The following TAF4B variants were observed in gnomAD, a reference collection of about 807,000 sequenced individuals.
TAF4B encodes transcription initiation factor TFIID subunit 4B.
TAF4B carries 38 observed loss-of-function variants against 86.4 expected under a neutral mutation model. The ratio of observed to expected loss-of-function variants is 0.44; its 90% CI spans 0.34 to 0.58. The LOEUF (loss-of-function observed/expected upper bound fraction) is 0.58, where lower values mean the gene tolerates loss of function less well. TAF4B is among the 20% of genes least tolerant of loss of function. The pLI is 0.02. For synonymous variants in TAF4B, 388 were observed against 391.2 expected (o/e 0.99, Z 0.10); for missense variants, 988 against 1,027.6 (o/e 0.96, Z 0.53).
At chr18:26,247,875 C>CA (rs1008692538) in intron 1 of TAF4B, among the ~76,000 whole-genome samples, 6 of 150,832 alleles carry the variant, frequency 4.0e-5, no homozygotes, top group Middle Eastern at 3.4e-3. Context: ...GACTCTGTCT[C>CA]AAAAAAAAGT....
At chr18:26,385,694 TCTTCTTCTTCTTC>T (rs1377761576) in intron 14 of TAF4B, among the ~76,000 whole-genome samples, 3 of 134,730 alleles carry the variant, frequency 2.2e-5, no homozygotes, top group South Asian at 4.6e-4. Context: ...TTTTTTTTTT[TCTTCTTCTTCTTC>T]TTCTTCTTGC....
chr18:26,320,993 C>T, intron 10 of TAF4B, 77 bp from the exon 11 acceptor site: 1 of 1,564,210 alleles, frequency 6.4e-7, no homozygotes, highest in East Asian at 2.3e-5. Context: ...CCAGGGGGAA[C>T]AGAATACCTG....
intron 9 of TAF4B, among the ~76,000 whole-genome samples, chr18:26,311,412 AT>A (rs1209907651): frequency 6.6e-6 from 1 of 152,170 alleles, no homozygotes; most frequent in Non-Finnish European, 1.5e-5. Flanking sequence ...AGGCAGGCAG[AT>A]CACCTGAGGT....
intron 1 of TAF4B, among the ~76,000 whole-genome samples, chr18:26,248,042 A>ATT (rs750349158): frequency 1.2e-5 from 1 of 83,558 alleles, no homozygotes; most frequent in Non-Finnish European, 2.4e-5. Flanking sequence ...TGCCCAGCTA[A>ATT]TTTTTTTTTT....
At chr18:26,346,594 A>G (rs1253020696) in intron 13 of TAF4B, among the ~76,000 whole-genome samples, 1 of 151,152 alleles carries the variant, frequency 6.6e-6, no homozygotes, top group Non-Finnish European at 1.5e-5. Context: ...TAAAAGCAGC[A>G]AAAGAAAAAT....
intron 13 of TAF4B, among the ~76,000 whole-genome samples, chr18:26,345,442 A>G (rs1031488821): frequency 1.3e-5 from 2 of 152,194 alleles, no homozygotes; most frequent in African/African-American, 2.4e-5. Context: ...CTGTAGCCCA[A>G]ATCCATGCAC....
chr18:26,263,232 G>A (rs1434047437), intron 1 of TAF4B, among the ~76,000 whole-genome samples: 1 of 152,172 alleles, frequency 6.6e-6, no homozygotes, highest in African/African-American at 2.4e-5. Context: ...GGGATTACAG[G>A]CGTGAGCCAC....
At chr18:26,375,917 G>C (rs1480462631) in intron 14 of TAF4B, among the ~76,000 whole-genome samples, 1 of 151,908 alleles carries the variant, frequency 6.6e-6, no homozygotes, top group Non-Finnish European at 1.5e-5. Flanking sequence ...TCATTCTTTT[G>C]CGTGTGGCTA....
intron 1 of TAF4B, among the ~76,000 whole-genome samples, chr18:26,233,630 A>C (rs1160714867): frequency 6.6e-6 from 1 of 152,278 alleles, no homozygotes; most frequent in African/African-American, 2.4e-5. Flanking sequence ...TTGGGAAGTT[A>C]AGACGGTTTC....
intron 13 of TAF4B, among the ~76,000 whole-genome samples, chr18:26,339,932 G>T (rs1029734107): frequency 3.3e-5 from 5 of 152,198 alleles, no homozygotes; most frequent in Non-Finnish European, 5.9e-5. Context: ...GTGAGACAAA[G>T]AATTCATTTA....
At chr18:26,227,299 C>A (rs766562578) in intron 1 of TAF4B, 23 bp downstream of exon 1, 1 of 1,597,052 alleles carries the variant, frequency 6.3e-7, no homozygotes, top group Admixed American at 1.8e-5. Flanking sequence ...CCCTTTCCAG[C>A]CTTGTCTGTC....
At chr18:26,329,090 A>G (rs550671162) in intron 12 of TAF4B, among the ~76,000 whole-genome samples, 1 of 148,940 alleles carries the variant, frequency 6.7e-6, no homozygotes, top group East Asian at 2.0e-4. Context: ...ACAGAGTTTC[A>G]CTCTGTTACT....
rs557261652 is a variant in TAF4B, at chr18:26,364,726, A to G, written c.2421+6932A>G. Among the ~76,000 whole-genome samples, 71 of 124,768 alleles carry G rather than the reference A, an allele frequency of 5.7e-4. 1 individual carries two copies. Among genetic ancestry groups the G allele is most frequent in the African/African-American group, 1.7e-3 (67 of 40,000 alleles). 81.9% of individuals were successfully genotyped at this position (124,768 alleles called of 152,430 possible). A position where few individuals can be genotyped will look rare whatever the true frequency, so the allele number is the denominator to read the frequency against. On this transcript the variant is annotated intron_variant, in intron 14 of 14. Coordinates refer to ENST00000269142, the MANE Select transcript of TAF4B (RefSeq NM_005640.3). ...TACAAAATCAATTTTTGGAGCTATG[A>G]AAGTATTAAGGAATTTCAGCATACT... is the stretch of plus-strand genomic sequence containing the variant.
At chr18:26,267,660 CTT>C in intron 3 of TAF4B, 37 bp downstream of exon 3, 1 of 1,447,774 alleles carries the variant, frequency 6.9e-7, no homozygotes. Flanking sequence ...TTGTTGTTCT[CTT>C]AACTTTTAAA....
At chr18:26,353,580 A>G (rs1326636412) in intron 13 of TAF4B, among the ~76,000 whole-genome samples, 1 of 152,230 alleles carries the variant, frequency 6.6e-6, no homozygotes, top group Non-Finnish European at 1.5e-5. Flanking sequence ...AAAGTAAGAA[A>G]TTTTAAAAAT....
At chr18:26,258,113 G>A (rs2056112405) in intron 1 of TAF4B, among the ~76,000 whole-genome samples, 1 of 152,046 alleles carries the variant, frequency 6.6e-6, no homozygotes, top group African/African-American at 2.4e-5. Flanking sequence ...AATTAGCTGG[G>A]CGTGGTGGCA....
chr18:26,317,808 G>A (rs752488683), intron 10 of TAF4B, among the ~76,000 whole-genome samples: 2 of 152,124 alleles, frequency 1.3e-5, no homozygotes, highest in Non-Finnish European at 2.9e-5. Context: ...GTACTTTTAT[G>A]ACCTAATTGT....
intron 14 of TAF4B, among the ~76,000 whole-genome samples, chr18:26,371,446 A>G (rs1328796170): frequency 6.6e-6 from 1 of 152,178 alleles, no homozygotes; most frequent in Non-Finnish European, 1.5e-5. Flanking sequence ...ATTAGTAATG[A>G]CAGGGGAACT....
chr18:26,292,219 C>T (rs1382323709), intron 7 of TAF4B, 27 bp from the exon 8 acceptor site: 1 of 1,608,140 alleles, frequency 6.2e-7, no homozygotes, highest in Non-Finnish European at 8.5e-7. Context: ...AGTTGAACAA[C>T]TATATTGATA....
Sources: allele counts gnomAD v4.1 joint callset (sites outside exome capture counted in the v4.1 genomes callset), GRCh38; gene constraint gnomAD v4.1.1; transcripts MANE v1.5; gene names NCBI Gene and HGNC (gene_info 2026-07-23, HGNC 2026-07-21).